The following POC1B variants were observed in gnomAD, a reference collection of about 807,000 sequenced individuals.
POC1B encodes the protein POC1 centriolar protein homolog B.
POC1B carries 44 observed loss-of-function variants against 60.6 expected under a neutral mutation model. The observed-to-expected ratio is 0.73, with a 90% CI of 0.57 to 0.93. The LOEUF (loss-of-function observed/expected upper bound fraction) is 0.93, where lower values mean the gene tolerates loss of function less well. Among genes scored for constraint, POC1B ranks in the 40% least tolerant of loss-of-function variants. POC1B has a pLI of 0.00. For synonymous variants in POC1B, 180 were observed against 198.9 expected, an observed-to-expected ratio of 0.90 and a Z score of 0.80; for missense variants, 555 against 572.3, an observed-to-expected ratio of 0.97 and a Z score of 0.31.
At chr12:89,492,956 C>G (rs1161558582) in intron 3 of POC1B, among the ~76,000 whole-genome samples, 1 of 152,176 alleles carries the variant, frequency 6.6e-6, no homozygotes, top group Non-Finnish European at 1.5e-5. Context: ...CAGTCACCTA[C>G]ATATTGTGCT....
At chr12:89,438,974 A>C (rs1394363401) in intron 10 of POC1B, among the ~76,000 whole-genome samples, 1 of 152,214 alleles carries the variant, frequency 6.6e-6, no homozygotes, top group African/African-American at 2.4e-5. Flanking sequence ...TACTTCAATG[A>C]ATGGCACATC....
At chr12:89,448,600 G>T (rs1881892288) in intron 10 of POC1B, among the ~76,000 whole-genome samples, 1 of 152,208 alleles carries the variant, frequency 6.6e-6, no homozygotes, top group Non-Finnish European at 1.5e-5. Flanking sequence ...CCTGCCAAGG[G>T]AGGTAAAGCC....
Position 89,425,264 on chromosome 12 carries a change from G to A in POC1B, c.1229C>T (p.Thr410Ile). ...ACAGGGGAGGTCACTCATGTCTTCT[G>A]TTTTCTTTTTCGTGGTTGTTGGCAA... The part of the protein sequence containing the change: ...ECLPTTTKKK[T>I]EDMSDLPCES... The change falls in exon 11 of 12, where the codon ACA becomes ATA. Residue 410 changes from threonine to isoleucine, a missense_variant. Coordinates refer to ENST00000313546, the MANE Select transcript of POC1B (RefSeq NM_172240.3). 1 of 1,614,054 alleles carries A rather than the reference G, an allele frequency of 6.2e-7. No homozygotes were observed. Among genetic ancestry groups the A allele is most frequent in the Non-Finnish European group, 8.5e-7 (1 of 1,180,004 alleles).
chr12:89,466,525 G>A, intron 9 of POC1B: 1 of 321,792 alleles, frequency 3.1e-6, no homozygotes, highest in Non-Finnish European at 5.6e-6. Flanking sequence ...AGTCACCAGA[G>A]GCCTTAGATT....
At chr12:89,476,743 T>TAGACAGACAGACAGAC (rs1319107361) in intron 4 of POC1B, among the ~76,000 whole-genome samples, 4 of 129,190 alleles carry the variant, frequency 3.1e-5, no homozygotes, top group African/African-American at 1.2e-4. Flanking sequence ...GATAGATAGA[T>TAGACAGACAGACAGAC]AGATAGATAG....
intron 2 of POC1B, chr12:89,502,780 GT>G: frequency 2.3e-6 from 3 of 1,311,598 alleles, no homozygotes; most frequent in Non-Finnish European, 3.2e-6. Context: ...AGGATATATT[GT>G]TTTTTTATGT....
At chr12:89,412,691 G>C in the POC1B span, among the ~76,000 whole-genome samples, 14 of 148,868 alleles carry the variant, frequency 9.4e-5, no homozygotes, top group African/African-American at 3.2e-4. Context: ...AAAAAAAAAA[G>C]TTTTTAATGT....
chr12:89,425,509 A>G (rs1168049988), intron 10 of POC1B, 130 bp from the exon 11 acceptor site: 3 of 598,120 alleles, frequency 5.0e-6, no homozygotes, highest in Non-Finnish European at 2.8e-6. Flanking sequence ...AACTATAATA[A>G]GTTATGGAAA....
In POC1B at chr12:89,434,624, C is replaced by T. The variant is rs1215498201; in HGVS notation, c.1114-9245G>A. Among the ~76,000 whole-genome samples, 11 of 152,282 alleles carry T rather than the reference C, an allele frequency of 7.2e-5. No homozygotes were observed. In the East Asian group the frequency reaches 1.5e-3, roughly 21 times the overall value. ...AGATGGATCTTAATTAATGATACTC[C>T]AAATGAACATAACACCAACTTTCTG... On this transcript the variant is annotated intron_variant, in intron 10 of 11. Coordinates refer to ENST00000313546, the MANE Select transcript of POC1B (RefSeq NM_172240.3).
Position 89,467,618 on chromosome 12 carries a change from T to C in POC1B, c.878A>G (p.Gln293Arg), listed in dbSNP as rs1373250880. ...AGAGGAGCTGAAAGATTTACAAACC[T>C]GTGTGTCTGCACCTCCTGATGCAAA... ...ELFASGGADT[Q>R]VLLWRTNFDE... Residue 293 changes from glutamine to arginine, a missense_variant and splice_region_variant, in exon 8 of 12, where the codon CAG (glutamine) becomes CGG (arginine). Coordinates refer to ENST00000313546, the MANE Select transcript of POC1B (RefSeq NM_172240.3). 1 of 1,608,854 alleles carries C rather than the reference T, an allele frequency of 6.2e-7. No homozygotes were observed. The highest frequency in any genetic ancestry group is 1.1e-5 in the South Asian group (1 of 90,656).
chr12:89,436,895 T>C (rs746843096), intron 10 of POC1B, among the ~76,000 whole-genome samples: 1 of 152,134 alleles, frequency 6.6e-6, no homozygotes, highest in African/African-American at 2.4e-5. Flanking sequence ...ATCAATCAAG[T>C]CAAGATTCTC....
At chr12:89,502,430 CA>C (rs1869621019) in intron 2 of POC1B, 1 of 1,343,334 alleles carries the variant, frequency 7.4e-7, no homozygotes, top group Non-Finnish European at 1.1e-6. Context: ...ATACTATCTC[CA>C]GGCAAAATAT....
intron 2 of POC1B, among the ~76,000 whole-genome samples, chr12:89,503,326 G>A (rs1396227224): frequency 3.3e-5 from 5 of 152,220 alleles, no homozygotes; most frequent in African/African-American, 7.2e-5. Flanking sequence ...TGTGTTGGCC[G>A]GGCTGGTCTC....
intron 2 of POC1B, chr12:89,502,651 T>C: frequency 7.5e-7 from 1 of 1,332,426 alleles, no homozygotes. Context: ...AAGATACATA[T>C]CAATTTTTTG....
chr12:89,517,625 T>C (rs1870506432), intron 2 of POC1B, among the ~76,000 whole-genome samples: 1 of 151,840 alleles, frequency 6.6e-6, no homozygotes, highest in African/African-American at 2.4e-5. Context: ...AGAGTGAGAC[T>C]TGGTCTCAAA....
At chr12:89,490,499 C>A (rs867388069) in intron 4 of POC1B, among the ~76,000 whole-genome samples, 18 of 152,094 alleles carry the variant, frequency 1.2e-4, no homozygotes, top group African/African-American at 4.3e-4. Context: ...CACCTGCCAC[C>A]ACGCCTAGCT....
At chr12:89,458,136 T>C (rs572112915) in intron 10 of POC1B, among the ~76,000 whole-genome samples, 1 of 152,340 alleles carries the variant, frequency 6.6e-6, no homozygotes, top group South Asian at 2.1e-4. Flanking sequence ...TGATATTTTC[T>C]AGGCCAGAAA....
chr12:89,525,136 G>T lies in POC1B; in HGVS notation c.84C>A (p.Pro28=). 1.9e-6 allele frequency: 3 copies of T among 1,614,044 alleles called. No homozygotes were observed. Among genetic ancestry groups the T allele is most frequent in the Non-Finnish European group, 2.5e-6 (3 of 1,179,914 alleles). The change falls in exon 2 of 12, where the codon CCC becomes CCA. Residue 28 remains proline (P), a synonymous_variant. Transcript: ENST00000313546. ...KAAITSLDLS[P]NGKQLATASW... ...AAGACTTACCAAGTTGCTTGCCGTT[G>T]GGGCTGAGGTCCAAGGAGGTGATCG...
In POC1B at chr12:89,525,159, T is replaced by G. The variant is rs1871336598; in HGVS notation, c.61A>C (p.Ile21Leu). The change falls in exon 2 of 12, where the codon ATC (isoleucine) becomes CTC (leucine). Residue 21 changes from isoleucine (I) to leucine (L), a missense_variant. Coordinates refer to ENST00000313546, the MANE Select transcript of POC1B (RefSeq NM_172240.3). ...TTGGGGCTGAGGTCCAAGGAGGTGA[T>G]CGCAGCTTTGTGGCCTTTGAAATAA... is the stretch of plus-strand genomic sequence containing the variant. ...ERYFKGHKAA[I>L]TSLDLSPNGK... is the part of the protein sequence containing the mutation. 6.2e-7 allele frequency: 1 copy of G among 1,613,872 alleles called. No individual in the cohort carries two copies. The highest frequency in any genetic ancestry group is 1.3e-5 in the African/African-American group (1 of 74,920).
Sources: allele counts gnomAD v4.1 joint callset (sites outside exome capture counted in the v4.1 genomes callset), GRCh38; gene constraint gnomAD v4.1.1; transcripts MANE v1.5; gene names NCBI Gene and HGNC (gene_info 2026-07-23, HGNC 2026-07-21).